The following PRDM10 variants were observed in gnomAD, a reference collection of about 807,000 sequenced individuals.
PRDM10 encodes the protein PR/SET domain 10.
A neutral mutation model predicts 133.1 loss-of-function variants in PRDM10; 65 were observed. The observed-to-expected ratio is 0.49, with a 90% CI of 0.40 to 0.60. The LOEUF (loss-of-function observed/expected upper bound fraction) is 0.60. PRDM10 is among the 20% of genes least tolerant of loss of function. The pLI, the probability that PRDM10 is intolerant of heterozygous loss-of-function variation, is 0.00. For missense variants in PRDM10, 1,137 were observed against 1,507.1 expected (o/e 0.75, Z 4.07); for synonymous variants, 582 against 580.4 (o/e 1.00, Z -0.04).
intron 1 of PRDM10, among the ~76,000 whole-genome samples, chr11:129,964,465 T>C (rs1951864549): frequency 1.3e-5 from 2 of 152,192 alleles, no homozygotes; most frequent in African/African-American, 4.8e-5. Flanking sequence ...TGTATTTTCT[T>C]CCAAAAATTA....
At position 129,949,370 on chromosome 11, in the gene PRDM10, A is replaced by G. The variant is rs116926367; in HGVS notation, c.295-2000T>C. Among the ~76,000 whole-genome samples the G allele has an allele frequency of 7.3e-3, 1,116 of 152,374 alleles. 9 individuals are homozygous for G. The highest frequency in any genetic ancestry group is 0.013 in the Non-Finnish European group (851 of 68,032). On this transcript the variant is annotated intron_variant, in intron 4 of 20. Transcript: ENST00000360871. ...GTATATAAGGCCAGTAGCAGAGTGTATAGCATTTAGTAACTGCTTAGTATT... is the reference window on the plus strand; with the variant it reads ...GTATATAAGGCCAGTAGCAGAGTGTGTAGCATTTAGTAACTGCTTAGTATT...
chr11:129,961,101 G>A lies in PRDM10; in HGVS notation c.-118-19C>T. On this transcript the variant is annotated intron_variant, in intron 1 of 20. Transcript: ENST00000360871. ...AGCATGCCTGAGAAAACACAGAAAA[G>A]GAACCAAGACTTTCAGTAGATAAAT... 2 of 571,930 alleles carry A rather than the reference G, an allele frequency of 3.5e-6. No individual in the cohort carries two copies. The highest frequency in any genetic ancestry group is 3.0e-6 in the Non-Finnish European group (1 of 330,590). 35.4% of individuals were successfully genotyped at this position (571,930 alleles called of 1,614,324 possible).
intron 6 of PRDM10, among the ~76,000 whole-genome samples, chr11:129,943,077 A>G (rs1393745818): frequency 6.6e-6 from 1 of 152,206 alleles, no homozygotes; most frequent in Non-Finnish European, 1.5e-5. Flanking sequence ...AAATCTCCCC[A>G]TGACAGCAGA....
intron 16 of PRDM10, 21 bp downstream of exon 16, chr11:129,915,639 T>G (rs748242625): frequency 6.5e-6 from 10 of 1,549,878 alleles, no homozygotes; most frequent in Admixed American, 2.1e-5. Flanking sequence ...GACCTTAGCT[T>G]TAGTCAGAAA....
chr11:129,961,167 G>C, intron 1 of PRDM10, 85 bp from the exon 2 acceptor site: 1 of 473,888 alleles, frequency 2.1e-6, no homozygotes. Context: ...AATAATAAAA[G>C]AAAGCTTTGT....
At chr11:129,999,378 G>A (rs1223887773) in intron 1 of PRDM10, among the ~76,000 whole-genome samples, 1 of 152,226 alleles carries the variant, frequency 6.6e-6, no homozygotes, top group East Asian at 1.9e-4. Flanking sequence ...ACACCAGATC[G>A]AATTCTCCTT....
chr11:130,002,431 C>T (rs1177512673), intron 1 of PRDM10, among the ~76,000 whole-genome samples: 5 of 152,118 alleles, frequency 3.3e-5, no homozygotes, highest in African/African-American at 1.2e-4. Context: ...TTGCCCTCTT[C>T]CCCTTGGAAG....
Position 129,914,957 on chromosome 11 carries a change from A to G in PRDM10, c.2588T>C (p.Ile863Thr). Residue 863 changes from isoleucine (I) to threonine (T), a missense_variant, in exon 17 of 21, where the codon ATA becomes ACA. Physicochemically the swap from Ile to Thr is moderately conservative, Grantham distance 89. This residue lies in a region of PRDM10 where 113 missense variants were observed against 143.7 expected (regional missense o/e 0.79). Coordinates refer to ENST00000360871, the MANE Select transcript of PRDM10 (RefSeq NM_199437.2). ...CACAGCTGTCGTCAGTGGTGTGTGTATGGTGTTGGAGAGCTGGGCGAACTC... is the reference window on the plus strand; with the variant it reads ...CACAGCTGTCGTCAGTGGTGTGTGTGTGGTGTTGGAGAGCTGGGCGAACTC... ...HPEFAQLSNTIHTPLTTAVIS... is the reference protein window; with the variant it reads ...HPEFAQLSNTTHTPLTTAVIS... 1 of 1,614,002 alleles carries G rather than the reference A, an allele frequency of 6.2e-7. No individual in the cohort carries two copies.
At chr11:129,972,972 T>C (rs899577929) in intron 1 of PRDM10, among the ~76,000 whole-genome samples, 1 of 152,178 alleles carries the variant, frequency 6.6e-6, no homozygotes, top group Non-Finnish European at 1.5e-5. Context: ...AGACGAGCCC[T>C]CCCTCCTTGT....
At chr11:129,970,805 C>T (rs530629165) in intron 1 of PRDM10, among the ~76,000 whole-genome samples, 1 of 152,258 alleles carries the variant, frequency 6.6e-6, no homozygotes, top group Admixed American at 6.5e-5. Flanking sequence ...CCTGGCCTCC[C>T]AAGTTGCTGG....
At chr11:129,971,586 A>G (rs1952026199) in intron 1 of PRDM10, among the ~76,000 whole-genome samples, 1 of 152,134 alleles carries the variant, frequency 6.6e-6, no homozygotes, top group Non-Finnish European at 1.5e-5. Flanking sequence ...TGTATTTACA[A>G]TCCCTGAGCT....
In PRDM10 at chr11:129,947,877, TG is replaced by T; in HGVS notation, c.295-508del. On this transcript the variant is annotated intron_variant, in intron 4 of 20. Transcript: ENST00000360871. The surrounding 1 kb of genome is among the most constrained non-coding windows in gnomAD (Gnocchi z 4.6). ...TTCCACATCTGAACTAAACCTGGGG[TG>T]GGGGTCCCTCTTGCCTTTCCAGAGT... The T allele has an allele frequency of 5.5e-6, 2 of 366,906 alleles. No homozygotes were observed. The highest frequency in any genetic ancestry group is 2.1e-5 in the South Asian group (1 of 48,604). The allele number at this position is 366,906 out of a possible 1,614,324, so 22.7% of individuals were successfully genotyped here.
chr11:129,985,812 ATAT>A (rs1938407349), intron 1 of PRDM10, among the ~76,000 whole-genome samples: 3 of 72,744 alleles, frequency 4.1e-5, no homozygotes, highest in African/African-American at 6.7e-5. Context: ...AAAAAAAAAT[ATAT>A]ATATATATAT....
chr11:129,902,633 G>A, intron 20 of PRDM10, 117 bp from the exon 21 acceptor site: 1 of 1,427,428 alleles, frequency 7.0e-7, no homozygotes, highest in Non-Finnish European at 9.3e-7. Flanking sequence ...AGGCATCTAT[G>A]AGAGATGCTT....
intron 1 of PRDM10, among the ~76,000 whole-genome samples, chr11:129,963,608 C>G (rs974808072): frequency 4.0e-5 from 6 of 151,818 alleles, no homozygotes; most frequent in African/African-American, 1.5e-4. Flanking sequence ...GTTTACTTTA[C>G]TATTTCCCCT....
At chr11:129,927,176 C>CAAAAAAAAAAAAAAA (rs57015735) in intron 11 of PRDM10, among the ~76,000 whole-genome samples, 1 of 79,370 alleles carries the variant, frequency 1.3e-5, no homozygotes, top group Non-Finnish European at 2.5e-5. Context: ...GACTCTGTCT[C>CAAAAAAAAAAAAAAA]AAAAAAAAAA....
chr11:129,930,466 C>T (rs1021576073), intron 11 of PRDM10, among the ~76,000 whole-genome samples: 1 of 152,242 alleles, frequency 6.6e-6, no homozygotes, highest in Admixed American at 6.5e-5. Context: ...GGTCCCGTGA[C>T]TCAGACACTG....
At chr11:129,995,847 G>C (rs938473717) in intron 1 of PRDM10, among the ~76,000 whole-genome samples, 11 of 152,120 alleles carry the variant, frequency 7.2e-5, no homozygotes, top group African/African-American at 2.4e-4. Flanking sequence ...TTGGGGGGCT[G>C]AGGCAGGAGA....
At chr11:129,995,271 A>T (rs1329858251) in intron 1 of PRDM10, among the ~76,000 whole-genome samples, 1 of 152,226 alleles carries the variant, frequency 6.6e-6, no homozygotes, top group Non-Finnish European at 1.5e-5. Flanking sequence ...TTATTAATAT[A>T]CATCCCCTGC....
Sources: allele counts gnomAD v4.1 joint callset (sites outside exome capture counted in the v4.1 genomes callset), GRCh38; gene constraint gnomAD v4.1.1; regional missense constraint gnomAD v4.1.1; non-coding constraint Gnocchi (gnomAD v3.1); transcripts MANE v1.5; gene names NCBI Gene and HGNC (gene_info 2026-07-23, HGNC 2026-07-21).